The following ATRIP variants were observed in gnomAD, a reference collection of about 807,000 sequenced individuals.
The protein encoded by ATRIP is ATR interacting protein, also known as ATR-interacting protein.
Under a neutral mutation model 78.1 loss-of-function variants are expected in ATRIP, and 44 were observed. The ratio of observed to expected loss-of-function variants is 0.56; its 90% CI spans 0.44 to 0.72. The LOEUF (loss-of-function observed/expected upper bound fraction) is 0.72. Among genes scored for constraint, ATRIP ranks in the 30% least tolerant of loss-of-function variants. The pLI, the probability that ATRIP is intolerant of heterozygous loss-of-function variation, is 0.00. For synonymous variants in ATRIP, 388 were observed against 408.9 expected, an observed-to-expected ratio of 0.95 and a Z score of 0.62; for missense variants, 927 against 980.2, an observed-to-expected ratio of 0.95 and a Z score of 0.72.
intron 2 of ATRIP, chr3:48,450,380 T>C (rs893775783): frequency 5.6e-5 from 56 of 1,005,678 alleles, no homozygotes; most frequent in Non-Finnish European, 2.0e-5. Flanking sequence ...AGAAAAACAC[T>C]GTATACCAGA....
rs745908772 is a variant in ATRIP at position 48,464,542 on chromosome 3, T to C, written c.1975-40T>C. ...AAGAAAACCCTCGCAGGGACTGGTC[T>C]CCTTCTGCCCAGGATGGAACCAATC... On this transcript the variant is annotated intron_variant, in intron 10 of 12. Transcript: ENST00000320211. 3.1e-6 allele frequency: 5 copies of C among 1,598,844 alleles called. No homozygotes were observed. In the South Asian group the frequency reaches 5.5e-5, roughly 18 times the overall value.
intron 1 of ATRIP, 138 bp from the exon 2 acceptor site, chr3:48,449,899 C>A: frequency 1.1e-6 from 1 of 890,814 alleles, no homozygotes; most frequent in Non-Finnish European, 1.7e-6. Context: ...GATCACACCA[C>A]TGCACTCCAA....
At chr3:48,453,582 C>T (rs1044326532) in intron 3 of ATRIP, among the ~76,000 whole-genome samples, 5 of 152,126 alleles carry the variant, frequency 3.3e-5, no homozygotes, top group African/African-American at 1.2e-4. Context: ...CTGGGCCTGG[C>T]GCAGAGTGTG....
intron 8 of ATRIP, among the ~76,000 whole-genome samples, chr3:48,461,641 C>T (rs1249745586): frequency 6.6e-6 from 1 of 152,128 alleles, no homozygotes; most frequent in Non-Finnish European, 1.5e-5. Flanking sequence ...AGACTCAGGA[C>T]TCAAGTGCCC....
Position 48,466,150 on chromosome 3 carries a change from G to A in ATRIP, c.*596G>A. 2.2e-6 allele frequency: 1 copy of A among 464,266 alleles called. No individual in the cohort carries two copies. Among genetic ancestry groups the A allele is most frequent in the South Asian group, 2.1e-5 (1 of 48,216 alleles). 28.8% of individuals were successfully genotyped at this position (464,266 alleles called of 1,614,324 possible). The stretch of plus-strand genomic sequence containing the variant: ...GGTGTGGGGGGGAACGGATGGTGGT[G>A]AGAGGGACAGACCAGGCAGGCTGAC... On this transcript the variant is annotated 3_prime_UTR_variant, in exon 13 of 13. Transcript: ENST00000320211.
chr3:48,464,853 T>C lies in ATRIP; in HGVS notation c.2078T>C (p.Met693Thr), dbSNP rs2040228577. 5 of 1,612,946 alleles carry C rather than the reference T, an allele frequency of 3.1e-6. No homozygotes were observed. Among genetic ancestry groups the C allele is most frequent in the Non-Finnish European group, 4.2e-6 (5 of 1,179,224 alleles). Residue 693 changes from methionine to threonine, a missense_variant, in exon 12 of 13, where the codon ATG becomes ACG. Physicochemically the swap from Met to Thr is moderately conservative, Grantham distance 81. Transcript: ENST00000320211. ...CAGGTGGTCAGAGCGCTCACGGTGA[T>C]GTTGCACAGACAGTGGCTGACAGTG... is the stretch of plus-strand genomic sequence containing the variant. The part of the protein sequence containing the change: ...NVEVVRALTV[M>T]LHRQWLTVRR...
chr3:48,465,839 T>C lies in ATRIP; in HGVS notation c.*285T>C. The C allele has an allele frequency of 2.6e-6, 1 of 381,024 alleles. No individual in the cohort carries two copies. The highest frequency in any genetic ancestry group is 2.5e-5 in the South Asian group (1 of 39,944). The allele number at this position is 381,024 out of a possible 1,614,324, so 23.6% of individuals were successfully genotyped here. The stretch of plus-strand genomic sequence containing the variant: ...TGTGGAATTGTCCTGAGTCATTGCT[T>C]TGGGCTGGGGCCATGGGAAGAAACC... On this transcript the variant is annotated 3_prime_UTR_variant, in exon 13 of 13. Transcript: ENST00000320211.
rs1356710639 is a variant in ATRIP, at chr3:48,464,895, C to T, written c.2120C>T (p.Pro707Leu). The change falls in exon 12 of 13, where the codon CCC (proline) becomes CTC (leucine). Residue 707 changes from proline (P) to leucine (L), a missense_variant. By Grantham distance (98) the Pro-to-Leu change is moderately conservative. Transcript: ENST00000320211. ...CTGACAGTGCGGAGGGCAGGGGGACCCCCAAGGACCGACCAGCAGAGGCGG... is the reference window on the plus strand; with the variant it reads ...CTGACAGTGCGGAGGGCAGGGGGACTCCCAAGGACCGACCAGCAGAGGCGG... ...QWLTVRRAGG[P>L]PRTDQQRRTV... 1 of 1,613,898 alleles carries T rather than the reference C, an allele frequency of 6.2e-7. No individual in the cohort carries two copies. Among genetic ancestry groups the T allele is most frequent in the Non-Finnish European group, 8.5e-7 (1 of 1,179,980 alleles).
Position 48,457,433 on chromosome 3 carries a change from T to A in ATRIP, c.829+17T>A. ...GCAGAGAGGGTAAGTCCATTAGTCA[T>A]CTATTGATGTATAACAAGCTACCCA... On this transcript the variant is annotated intron_variant, in intron 5 of 12. Transcript: ENST00000320211. 1 of 1,496,692 alleles carries A rather than the reference T, an allele frequency of 6.7e-7. No homozygotes were observed. Among genetic ancestry groups the A allele is most frequent in the Non-Finnish European group, 8.9e-7 (1 of 1,122,428 alleles). 92.7% of individuals were successfully genotyped at this position (1,496,692 alleles called of 1,614,324 possible).
Position 48,459,772 on chromosome 3 carries a change from T to C in ATRIP, c.926-15T>C. Reference sequence around the variant, plus strand: ...CCCATGTCAGAACCTTCTAGAGTCATCTTGTCTTCTGCAGGTTCCATTTTG... The same window carrying C: ...CCCATGTCAGAACCTTCTAGAGTCACCTTGTCTTCTGCAGGTTCCATTTTG... On this transcript the variant is annotated splice_polypyrimidine_tract_variant and intron_variant, in intron 6 of 12. Coordinates refer to ENST00000320211, the MANE Select transcript of ATRIP (RefSeq NM_130384.3). 6.2e-7 allele frequency: 1 copy of C among 1,608,638 alleles called. No homozygotes were observed. Among genetic ancestry groups the C allele is most frequent in the Non-Finnish European group, 8.5e-7 (1 of 1,178,612 alleles).
chr3:48,461,854 G>A (rs1404895406), intron 8 of ATRIP, among the ~76,000 whole-genome samples: 1 of 152,098 alleles, frequency 6.6e-6, no homozygotes, highest in Admixed American at 6.5e-5. Context: ...ACAGGCACCT[G>A]CCACCACACC....
In ATRIP at chr3:48,451,717, T is replaced by C. The variant is rs893512708; in HGVS notation, c.382-12T>C. ...TTACAAAGTTTTCACGAGATTAATTTGGGATTTACAGATGAAAGTAATGGA... is the reference window on the plus strand; with the variant it reads ...TTACAAAGTTTTCACGAGATTAATTCGGGATTTACAGATGAAAGTAATGGA... On this transcript the variant is annotated splice_polypyrimidine_tract_variant and intron_variant, in intron 2 of 12. Transcript: ENST00000320211. 1.3e-6 allele frequency: 2 copies of C among 1,569,574 alleles called. No individual in the cohort carries two copies. Among genetic ancestry groups the C allele is most frequent in the African/African-American group, 2.7e-5 (2 of 73,186 alleles).
At position 48,459,858 on chromosome 3, in the gene ATRIP, C is replaced by T. The variant is rs951254362; in HGVS notation, c.997C>T (p.Leu333=). 2.5e-6 allele frequency: 4 copies of T among 1,613,942 alleles called. No homozygotes were observed. Among genetic ancestry groups the T allele is most frequent in the Admixed American group, 1.7e-5 (1 of 59,982 alleles). ...PGSSLSLCHL[L]SSSSESPAGT... is the part of the protein sequence containing the mutation. The stretch of plus-strand genomic sequence containing the variant: ...GTCATCCCTAAGCCTTTGCCACCTC[C>T]TGAGTAGTAGTTCTGAGTCTCCTGC... The change falls in exon 7 of 13, where the codon CTG becomes TTG. Residue 333 remains leucine (L), a synonymous_variant. Coordinates refer to ENST00000320211, the MANE Select transcript of ATRIP (RefSeq NM_130384.3).
intron 8 of ATRIP, 82 bp downstream of exon 8, chr3:48,460,881 C>A: frequency 1.5e-6 from 2 of 1,350,906 alleles, no homozygotes; most frequent in Non-Finnish European, 1.0e-6. Context: ...TTGTACTTTG[C>A]TCACATCTTG....
rs750099679 is a variant in ATRIP, at chr3:48,466,600, C to T, written c.*1046C>T. The T allele has an allele frequency of 1.1e-5, 17 of 1,613,858 alleles. 1 individual carries two copies. The highest frequency in any genetic ancestry group is 1.6e-4 in the Middle Eastern group (1 of 6,084). ...CCCCTTCGGATCTTAACACTGGGCA[C>T]TCACACACCCACCCCATGCTCCTCT... On this transcript the variant is annotated 3_prime_UTR_variant, in exon 13 of 13. Coordinates refer to ENST00000320211, the MANE Select transcript of ATRIP (RefSeq NM_130384.3).
Position 48,451,777 on chromosome 3 carries a change from A to G in ATRIP, c.430A>G (p.Ile144Val), listed in dbSNP as rs2039842515. The change falls in exon 3 of 13, where the codon ATT becomes GTT. Residue 144 changes from isoleucine to valine, a missense_variant. Coordinates refer to ENST00000320211, the MANE Select transcript of ATRIP (RefSeq NM_130384.3). ...TCTCATTAAGAATGGAGAAATTAAA[A>G]TTTTGCGAGACTCACTACATCAGAC... is the stretch of plus-strand genomic sequence containing the variant. Reference protein sequence around the residue: ...EVLIKNGEIKILRDSLHQTES... With the variant: ...EVLIKNGEIKVLRDSLHQTES... 6.2e-7 allele frequency: 1 copy of G among 1,607,540 alleles called. No individual in the cohort carries two copies. Among genetic ancestry groups the G allele is most frequent in the Non-Finnish European group, 8.5e-7 (1 of 1,176,592 alleles).
intron 2 of ATRIP, 141 bp from the exon 3 acceptor site, chr3:48,451,588 C>A: frequency 1.5e-6 from 1 of 660,128 alleles, no homozygotes; most frequent in South Asian, 2.2e-5. Flanking sequence ...ATGGTGACAT[C>A]TGGTTGCTGT....
chr3:48,464,810 T>G (rs749251663), intron 11 of ATRIP, 21 bp from the exon 12 acceptor site: 2 of 1,603,326 alleles, frequency 1.2e-6, no homozygotes, highest in Admixed American at 3.3e-5. Context: ...CAGGCCTCAG[T>G]CTGCACCCCC....
At chr3:48,451,679 A>C in intron 2 of ATRIP, 50 bp from the exon 3 acceptor site, 1 of 1,490,412 alleles carries the variant, frequency 6.7e-7, no homozygotes, top group Non-Finnish European at 9.1e-7. Flanking sequence ...CAAAGTACCT[A>C]AGTAGTTTTC....
Sources: gnomAD v4.1 joint callset for allele counts (sites outside exome capture counted in the v4.1 genomes callset) on GRCh38, gnomAD v4.1.1 for gene constraint, MANE v1.5 for transcripts, NCBI Gene and HGNC (gene_info 2026-07-23, HGNC 2026-07-21) for gene names.